MAPKAP1: variants seen among roughly 807,000 people sequenced by gnomAD.
MAPKAP1 encodes the protein target of rapamycin complex 2 subunit MAPKAP1.
Under a neutral mutation model 65.7 loss-of-function variants are expected in MAPKAP1, and 20 were observed. The observed-to-expected ratio is 0.30, with a 90% CI of 0.21 to 0.44. The LOEUF (loss-of-function observed/expected upper bound fraction) is 0.44, where lower values mean the gene tolerates loss of function less well. Among genes scored for constraint, MAPKAP1 ranks in the 20% least tolerant of loss-of-function variants. MAPKAP1 has a pLI of 1.00. For missense variants in MAPKAP1, 423 were observed against 648.0 expected (o/e 0.65, Z 3.77); for synonymous variants, 222 against 244.3 (o/e 0.91, Z 0.85).
At chr9:125,541,366 A>G (rs1378187821) in intron 7 of MAPKAP1, among the ~76,000 whole-genome samples, 1 of 152,208 alleles carries the variant, frequency 6.6e-6, no homozygotes. Context: ...AATCTGTGAC[A>G]GTGGAATTTC....
chr9:125,667,439 C>T (rs1834371942), intron 3 of MAPKAP1, among the ~76,000 whole-genome samples: 1 of 152,126 alleles, frequency 6.6e-6, no homozygotes, highest in Non-Finnish European at 1.5e-5. Context: ...CATGCCTCCG[C>T]CTCCTGAGTA....
chr9:125,663,859 TA>T lies in MAPKAP1; in HGVS notation c.349+5958del, dbSNP rs573297611. 5.9e-5 allele frequency among the ~76,000 whole-genome samples: 9 copies of T among 152,206 alleles called. No homozygotes were observed. In the South Asian group the frequency reaches 1.9e-3, roughly 32 times the overall value. On this transcript the variant is annotated intron_variant, in intron 3 of 11. Transcript: ENST00000265960. ...TGCAACTAAAAAGTCCTGACGAATATAAACAGTTGGACTTCACCAACAAACA... is the reference window on the plus strand; with the variant it reads ...TGCAACTAAAAAGTCCTGACGAATATAACAGTTGGACTTCACCAACAAACA...
At chr9:125,622,722 G>A (rs996395523) in intron 4 of MAPKAP1, among the ~76,000 whole-genome samples, 35 of 151,732 alleles carry the variant, frequency 2.3e-4, no homozygotes, top group African/African-American at 8.2e-4. Flanking sequence ...GGGATTACAG[G>A]CATGAGCCAC....
intron 4 of MAPKAP1, among the ~76,000 whole-genome samples, chr9:125,634,849 G>C (rs1345419006): frequency 6.6e-6 from 1 of 152,158 alleles, no homozygotes; most frequent in Non-Finnish European, 1.5e-5. Flanking sequence ...ACTGCATCAA[G>C]TAGGTGAGAC....
intron 7 of MAPKAP1, among the ~76,000 whole-genome samples, chr9:125,518,335 C>T (rs6478706): frequency 1.4e-5 from 2 of 146,366 alleles, no homozygotes; most frequent in Non-Finnish European, 3.0e-5. Flanking sequence ...TAATCCCATA[C>T]TACATCTGTA....
At chr9:125,705,180 T>A (rs1460683582) in intron 1 of MAPKAP1, among the ~76,000 whole-genome samples, 1 of 152,184 alleles carries the variant, frequency 6.6e-6, no homozygotes, top group African/African-American at 2.4e-5. Flanking sequence ...AATATGTACT[T>A]GCATAAAAAG....
rs1832096468 is a variant in MAPKAP1 at position 125,595,435 on chromosome 9, T to C, written c.499-9708A>G. 1.4e-6 allele frequency: 1 copy of C among 702,188 alleles called. No homozygotes were observed. Among genetic ancestry groups the C allele is most frequent in the Admixed American group, 5.2e-5 (1 of 19,222 alleles). The allele number at this position is 702,188 out of a possible 1,614,324, so 43.5% of individuals were successfully genotyped here. A position where few individuals can be genotyped will look rare whatever the true frequency, so the allele number is the denominator to read the frequency against. On this transcript the variant is annotated intron_variant, in intron 4 of 11. Coordinates refer to ENST00000265960, the MANE Select transcript of MAPKAP1 (RefSeq NM_001006617.3). The surrounding 1 kb of genome is among the most constrained non-coding windows in gnomAD (Gnocchi z 4.0). ...AATTAAAACATTATCTAGAGCAGCT[T>C]TTCTCAGCTGATCCTATTAATTAAA...
At chr9:125,706,181 C>T (rs941653440) in intron 1 of MAPKAP1, among the ~76,000 whole-genome samples, 2 of 152,032 alleles carry the variant, frequency 1.3e-5, no homozygotes, top group Non-Finnish European at 2.9e-5. Context: ...CATATCTAGG[C>T]TTCTGCTCAA....
intron 4 of MAPKAP1, among the ~76,000 whole-genome samples, chr9:125,597,121 C>T (rs1380137681): frequency 1.3e-5 from 2 of 151,624 alleles, no homozygotes; most frequent in Non-Finnish European, 2.9e-5. Context: ...AAAAATTAGC[C>T]GGGCGTGGTG....
intron 4 of MAPKAP1, among the ~76,000 whole-genome samples, chr9:125,634,694 T>C (rs1043555843): frequency 1.3e-5 from 2 of 152,210 alleles, no homozygotes; most frequent in African/African-American, 4.8e-5. Context: ...CCTTGGCATA[T>C]GATCCAGACA....
chr9:125,469,171 T>G (rs748919541), intron 9 of MAPKAP1, among the ~76,000 whole-genome samples: 3 of 151,716 alleles, frequency 2.0e-5, no homozygotes, highest in Non-Finnish European at 4.4e-5. Context: ...AGGGTCAAAG[T>G]GAAAAAAAGC....
intron 1 of MAPKAP1, among the ~76,000 whole-genome samples, chr9:125,685,213 C>A (rs892914863): frequency 6.6e-6 from 1 of 151,944 alleles, no homozygotes; most frequent in African/African-American, 2.4e-5. Flanking sequence ...TTAGAAGTGC[C>A]ATGAAGAAAA....
intron 4 of MAPKAP1, among the ~76,000 whole-genome samples, chr9:125,601,984 C>T (rs957396755): frequency 4.6e-5 from 7 of 152,290 alleles, no homozygotes; most frequent in Admixed American, 4.6e-4. Context: ...ATATAAATAG[C>T]AGCTCACGCC....
intron 4 of MAPKAP1, among the ~76,000 whole-genome samples, chr9:125,609,271 C>T (rs1177248046): frequency 6.6e-6 from 1 of 152,160 alleles, no homozygotes; most frequent in Non-Finnish European, 1.5e-5. Context: ...TTTCCTTCCC[C>T]TAAAGTACCC....
intron 5 of MAPKAP1, among the ~76,000 whole-genome samples, chr9:125,577,573 G>T (rs1831466258): frequency 8.6e-6 from 1 of 116,584 alleles, no homozygotes; most frequent in Non-Finnish European, 1.8e-5. Context: ...GGGGGGGTCA[G>T]CCCCCCGCCC....
At chr9:125,557,978 TC>T (rs1260146821) in intron 6 of MAPKAP1, among the ~76,000 whole-genome samples, 1 of 152,226 alleles carries the variant, frequency 6.6e-6, no homozygotes, top group Admixed American at 6.5e-5. Context: ...TGCCTCAGAC[TC>T]CCGAGTAGCT....
intron 9 of MAPKAP1, chr9:125,470,993 T>C (rs981302272): frequency 2.4e-4 from 37 of 152,216 alleles, no homozygotes; most frequent in Non-Finnish European, 8.8e-5. Context: ...TGTAAAACAC[T>C]TGCCTGCCTA....
intron 4 of MAPKAP1, among the ~76,000 whole-genome samples, chr9:125,601,224 C>T (rs2131610747): frequency 6.6e-6 from 1 of 152,108 alleles, no homozygotes; most frequent in East Asian, 1.9e-4. Flanking sequence ...TGGTATAACC[C>T]TCCAACTACC....
intron 8 of MAPKAP1, among the ~76,000 whole-genome samples, chr9:125,502,142 C>T (rs1829000474): frequency 6.6e-6 from 1 of 151,288 alleles, no homozygotes; most frequent in Admixed American, 6.6e-5. Flanking sequence ...CACTCTGTTG[C>T]CCAGGCTGGA....
Sources: gnomAD v4.1 joint callset for allele counts (sites outside exome capture counted in the v4.1 genomes callset) on GRCh38, gnomAD v4.1.1 for gene constraint, Gnocchi (gnomAD v3.1) non-coding constraint, MANE v1.5 for transcripts, NCBI Gene and HGNC (gene_info 2026-07-23, HGNC 2026-07-21) for gene names.